PIEZO2: variants seen among roughly 807,000 people sequenced by gnomAD.
PIEZO2 encodes the protein piezo-type mechanosensitive ion channel component 2.
Under a neutral mutation model 337.3 loss-of-function variants are expected in PIEZO2, and 172 were observed. The observed-to-expected ratio is 0.51, with a 90% CI of 0.45 to 0.58. The LOEUF (loss-of-function observed/expected upper bound fraction) is 0.58. Among genes scored for constraint, PIEZO2 ranks in the 20% least tolerant of loss-of-function variants. The pLI is 0.00. For missense variants in PIEZO2, 3,028 were observed against 3,391.3 expected (o/e 0.89, Z 2.66); for synonymous variants, 1,251 against 1,228.5 (o/e 1.02, Z -0.38).
In PIEZO2 at chr18:10,794,923, C is replaced by A; in HGVS notation, c.1607G>T (p.Arg536Ile). Reference protein sequence around the residue: ...WSCTLWMIRNRRKYAMISSPF... With the variant: ...WSCTLWMIRNIRKYAMISSPF... The stretch of plus-strand genomic sequence containing the variant: ...AGAGCTGATCATGGCATATTTTCTT[C>A]TGTTGCGAATCATCCAAAGAGTGCA... Residue 536 changes from arginine (R) to isoleucine (I), a missense_variant, in exon 13 of 56, where the codon AGA (arginine) becomes ATA (isoleucine). Arg to Ile is a moderately conservative substitution (Grantham distance 97). Transcript: ENST00000674853. The surrounding 1 kb of genome is among the most constrained non-coding windows in gnomAD (Gnocchi z 6.6). The A allele has an allele frequency of 6.5e-7, 1 of 1,544,070 alleles. No homozygotes were observed. The highest frequency in any genetic ancestry group is 1.2e-5 in the South Asian group (1 of 84,060).
Position 10,746,182 on chromosome 18 carries a change from G to A in PIEZO2, c.4425-1951C>T, listed in dbSNP as rs1286343642. 1.3e-5 allele frequency among the ~76,000 whole-genome samples: 2 copies of A among 152,198 alleles called. 1 individual carries two copies. Among genetic ancestry groups the A allele is most frequent in the East Asian group, 3.9e-4 (2 of 5,194 alleles). On this transcript the variant is annotated intron_variant, in intron 30 of 55. Coordinates refer to ENST00000674853, the MANE Select transcript of PIEZO2 (RefSeq NM_001378183.1). This position sits in a 1 kb window ranked among gnomAD's most constrained non-coding sequence, Gnocchi z 4.2. ...ATTCTCCATACCACAAACAGAGTGA[G>A]CTTCCTGAAATGCAAACACGTCATA...
chr18:11,113,509 C>G (rs1464312556), intron 1 of PIEZO2, among the ~76,000 whole-genome samples: 1 of 152,178 alleles, frequency 6.6e-6, no homozygotes, highest in Non-Finnish European at 1.5e-5. Context: ...TCCCATCCTT[C>G]TTCCTGCTCT....
intron 7 of PIEZO2, among the ~76,000 whole-genome samples, chr18:10,807,672 A>G (rs1009686582): frequency 2.2e-4 from 34 of 152,204 alleles, no homozygotes; most frequent in African/African-American, 8.0e-4. Context: ...TTACTAGTCC[A>G]GCTAAATGAG....
At chr18:10,883,864 G>A (rs963953151) in intron 4 of PIEZO2, among the ~76,000 whole-genome samples, 16 of 134,096 alleles carry the variant, frequency 1.2e-4, no homozygotes, top group African/African-American at 4.6e-4. Flanking sequence ...AGGCTGGAGT[G>A]CAGTGGCACG....
chr18:10,671,258 T>A lies in PIEZO2; in HGVS notation c.*269A>T. Reference sequence around the variant, plus strand: ...GGGGCCCATAAATGATTCCTTCACATGATCAATCAGAATGCGAGACACTGT... The same window carrying A: ...GGGGCCCATAAATGATTCCTTCACAAGATCAATCAGAATGCGAGACACTGT... On this transcript the variant is annotated 3_prime_UTR_variant, in exon 56 of 56. Coordinates refer to ENST00000674853, the MANE Select transcript of PIEZO2 (RefSeq NM_001378183.1). The A allele has an allele frequency of 3.3e-6, 1 of 301,536 alleles. No individual in the cohort carries two copies. The highest frequency in any genetic ancestry group is 6.2e-6 in the Non-Finnish European group (1 of 161,784). 18.7% of individuals were successfully genotyped at this position (301,536 alleles called of 1,614,324 possible).
chr18:10,984,023 C>T (rs1288691868), intron 2 of PIEZO2, among the ~76,000 whole-genome samples: 2 of 152,120 alleles, frequency 1.3e-5, no homozygotes, highest in African/African-American at 4.8e-5. Flanking sequence ...TTCTGAGAGA[C>T]TCCCAGAATC....
chr18:10,813,948 A>G lies in PIEZO2; in HGVS notation c.918-6674T>C, dbSNP rs1442821476. On this transcript the variant is annotated intron_variant, in intron 7 of 55. Coordinates refer to ENST00000674853, the MANE Select transcript of PIEZO2 (RefSeq NM_001378183.1). This position sits in a 1 kb window ranked among gnomAD's most constrained non-coding sequence, Gnocchi z 4.2. ...TGCTTTTCAGAGTAGTCATCCTAATAGGTGTGAGATGGGACACCATATATT... is the reference window on the plus strand; with the variant it reads ...TGCTTTTCAGAGTAGTCATCCTAATGGGTGTGAGATGGGACACCATATATT... 6.6e-6 allele frequency among the ~76,000 whole-genome samples: 1 copy of G among 151,682 alleles called. No individual in the cohort carries two copies. Among genetic ancestry groups the G allele is most frequent in the Non-Finnish European group, 1.5e-5 (1 of 67,946 alleles).
rs1424355353 is a variant in PIEZO2 at position 10,696,176 on chromosome 18, A to G, written c.7088T>C (p.Leu2363Pro). 1 of 1,614,008 alleles carries G rather than the reference A, an allele frequency of 6.2e-7. No individual in the cohort carries two copies. The highest frequency in any genetic ancestry group is 1.7e-5 in the Admixed American group (1 of 60,028). The change falls in exon 47 of 56, where the codon CTC (leucine) becomes CCC (proline). Residue 2363 changes from leucine to proline, a missense_variant. Transcript: ENST00000674853. Reference protein sequence around the residue: ...QFGTMVVDRALYLRKTVLGKV... With the variant: ...QFGTMVVDRAPYLRKTVLGKV... The stretch of plus-strand genomic sequence containing the variant: ...TCCCAGTACAGTCTTCCTGAGGTAG[A>G]GGGCTCGGTCCACCACCATGGTTCC...
rs1305758393 is a variant in PIEZO2, at chr18:10,993,155, C to T, written c.161-13495G>A. Among the ~76,000 whole-genome samples the T allele has an allele frequency of 6.6e-6, 1 of 152,180 alleles. No individual in the cohort carries two copies. Among genetic ancestry groups the T allele is most frequent in the African/African-American group, 2.4e-5 (1 of 41,438 alleles). On this transcript the variant is annotated intron_variant, in intron 2 of 55. Transcript: ENST00000674853. The surrounding 1 kb of genome is among the most constrained non-coding windows in gnomAD (Gnocchi z 5.0). ...ACGATGGGGTTTTCTAAATATACGA[C>T]CATGTCATCTGCAAACAGAGACACT...
At chr18:11,088,089 A>T (rs560678117) in intron 1 of PIEZO2, among the ~76,000 whole-genome samples, 1 of 152,216 alleles carries the variant, frequency 6.6e-6, no homozygotes, top group Non-Finnish European at 1.5e-5. Flanking sequence ...GCAGACCTCA[A>T]TGTATACTTG....
At chr18:11,071,027 C>T (rs573856307) in intron 1 of PIEZO2, among the ~76,000 whole-genome samples, 10 of 151,796 alleles carry the variant, frequency 6.6e-5, no homozygotes, top group African/African-American at 2.2e-4. Flanking sequence ...TAGAAGTCAG[C>T]GAGGAAAGAA....
chr18:10,771,324 A>G (rs897741573), intron 20 of PIEZO2, among the ~76,000 whole-genome samples: 1 of 152,264 alleles, frequency 6.6e-6, no homozygotes, highest in African/African-American at 2.4e-5. Context: ...AAACATGGTC[A>G]GATTCATTCA....
At position 10,853,555 on chromosome 18, in the gene PIEZO2, A is replaced by G. The variant is rs1327309911; in HGVS notation, c.917+1798T>C. On this transcript the variant is annotated intron_variant, in intron 7 of 55. Transcript: ENST00000674853. The surrounding 1 kb of genome is among the most constrained non-coding windows in gnomAD (Gnocchi z 4.2). ...GTGCTGCGAGACTCAGATGTGTTTC[A>G]CTGCTAACATTACCATTTCTGTCCC... Among the ~76,000 whole-genome samples, 1 of 152,212 alleles carries G rather than the reference A, an allele frequency of 6.6e-6. No homozygotes were observed. Among genetic ancestry groups the G allele is most frequent in the African/African-American group, 2.4e-5 (1 of 41,456 alleles).
chr18:11,066,064 G>C (rs1019288962), intron 2 of PIEZO2, 63 bp downstream of exon 2: 1 of 1,346,218 alleles, frequency 7.4e-7, no homozygotes, highest in African/African-American at 1.5e-5. Flanking sequence ...CCATCCCAAG[G>C]AGCCCAGCAA....
intron 13 of PIEZO2, chr18:10,791,587 C>A: frequency 4.1e-6 from 1 of 246,670 alleles, no homozygotes; most frequent in Non-Finnish European, 7.9e-6. Context: ...TTTCTAACAA[C>A]TTCCACCTGG....
Position 10,726,547 on chromosome 18 carries a change from A to T in PIEZO2, c.5029+4860T>A. 7.0e-7 allele frequency: 1 copy of T among 1,424,078 alleles called. No homozygotes were observed. The highest frequency in any genetic ancestry group is 9.3e-7 in the Non-Finnish European group (1 of 1,075,670). The allele number at this position is 1,424,078 out of a possible 1,614,324, so 88.2% of individuals were successfully genotyped here. The stretch of plus-strand genomic sequence containing the variant: ...CTGCGCTGCTCTGCTCTGCTACACC[A>T]GCCGCCACGCTGTGCGTCTGTCCTT... On this transcript the variant is annotated intron_variant, in intron 36 of 55. Coordinates refer to ENST00000674853, the MANE Select transcript of PIEZO2 (RefSeq NM_001378183.1). This position sits in a 1 kb window ranked among gnomAD's most constrained non-coding sequence, Gnocchi z 5.9.
rs1255256175 is a variant in PIEZO2, at chr18:10,767,836, T to C, written c.2946+2312A>G. Among the ~76,000 whole-genome samples, 3 of 152,128 alleles carry C rather than the reference T, an allele frequency of 2.0e-5. No homozygotes were observed. The highest frequency in any genetic ancestry group is 4.4e-5 in the Non-Finnish European group (3 of 68,002). On this transcript the variant is annotated intron_variant, in intron 21 of 55. Coordinates refer to ENST00000674853, the MANE Select transcript of PIEZO2 (RefSeq NM_001378183.1). This position sits in a 1 kb window ranked among gnomAD's most constrained non-coding sequence, Gnocchi z 4.2. ...AAGGTGCTGGCAACCAGGGGCTGGG[T>C]GTCAGTGCCGGCCAAGAGTGGCTGT... is the stretch of plus-strand genomic sequence containing the variant.
At chr18:11,060,210 G>A (rs1362121255) in intron 2 of PIEZO2, among the ~76,000 whole-genome samples, 2 of 152,070 alleles carry the variant, frequency 1.3e-5, no homozygotes, top group East Asian at 1.9e-4. Context: ...TGAAACCAAC[G>A]AGAACAAAGA....
intron 1 of PIEZO2, among the ~76,000 whole-genome samples, chr18:11,133,956 T>C (rs2040411072): frequency 6.6e-6 from 1 of 151,964 alleles, no homozygotes; most frequent in Non-Finnish European, 1.5e-5. Context: ...GTAACAAAAA[T>C]AATTCCAGTG....
Sources: allele counts gnomAD v4.1 joint callset (sites outside exome capture counted in the v4.1 genomes callset), GRCh38; gene constraint gnomAD v4.1.1; non-coding constraint Gnocchi (gnomAD v3.1); transcripts MANE v1.5; gene names NCBI Gene and HGNC (gene_info 2026-07-23, HGNC 2026-07-21).